ST18: variants seen among roughly 807,000 people sequenced by gnomAD.
ST18 encodes ST18 C2H2C-type zinc finger transcription factor.
In ST18, 50 loss-of-function variants were observed where a neutral mutation model predicts 110.0. The ratio of observed to expected loss-of-function variants is 0.45; its 90% CI spans 0.36 to 0.58. The LOEUF is 0.58. Ranked by LOEUF, ST18 falls within the 20% of genes least tolerant of loss-of-function variation. ST18 has a pLI of 0.00. For missense variants in ST18, 1,306 were observed against 1,280.1 expected (o/e 1.02, Z -0.31); for synonymous variants, 461 against 452.4 (o/e 1.02, Z -0.24).
At chr8:52,200,898 C>A (rs1392852556) in intron 8 of ST18, among the ~76,000 whole-genome samples, 2 of 152,112 alleles carry the variant, frequency 1.3e-5, no homozygotes, top group Admixed American at 6.5e-5. Flanking sequence ...TTTGAATACT[C>A]CTCAGGGATC....
Position 52,164,016 on chromosome 8 carries a change from T to A in ST18, c.1370A>T (p.Gln457Leu). ...SQDKNQLDSP[Q>L]TGQCPDQAHR... ...GGCCTGGTCAGGACACTGCCCAGTT[T>A]GGGGAGAATCAAGCTGATTTTTATC... The change falls in exon 13 of 26, where the codon CAA becomes CTA. Residue 457 changes from glutamine to leucine, a missense_variant. By Grantham distance (113) the Gln-to-Leu change is moderately radical (BLOSUM62 -2). Coordinates refer to ENST00000689386, the MANE Select transcript of ST18 (RefSeq NM_001352837.2). 2 of 1,614,114 alleles carry A rather than the reference T, an allele frequency of 1.2e-6. No individual in the cohort carries two copies. Among genetic ancestry groups the A allele is most frequent in the Non-Finnish European group, 1.7e-6 (2 of 1,179,990 alleles).
chr8:52,313,341 C>A (rs1305500657), intron 2 of ST18: 1 of 152,402 alleles, frequency 6.6e-6, no homozygotes, highest in Non-Finnish European at 1.5e-5. Context: ...AAGAAGCCCT[C>A]AAAATGTGTC....
At chr8:52,218,430 T>C (rs2085239786) in intron 5 of ST18, among the ~76,000 whole-genome samples, 1 of 151,576 alleles carries the variant, frequency 6.6e-6, no homozygotes, top group African/African-American at 2.4e-5. Context: ...TTGCCCAGGC[T>C]GGAGTGCAAT....
chr8:52,157,888 G>A (rs2060421057), intron 15 of ST18, among the ~76,000 whole-genome samples: 1 of 152,276 alleles, frequency 6.6e-6, no homozygotes, highest in Non-Finnish European at 1.5e-5. Context: ...AGGAGCCATG[G>A]TCTTCAAGTG....
At chr8:52,216,775 C>G (rs1483793138) in intron 6 of ST18, among the ~76,000 whole-genome samples, 1 of 152,080 alleles carries the variant, frequency 6.6e-6, no homozygotes, top group Non-Finnish European at 1.5e-5. Context: ...TCTCACGGAC[C>G]TCAATAAATT....
chr8:52,302,920 A>G (rs2095751693), intron 2 of ST18, among the ~76,000 whole-genome samples: 1 of 152,208 alleles, frequency 6.6e-6, no homozygotes, highest in Non-Finnish European at 1.5e-5. Flanking sequence ...AAATAAGCCA[A>G]GAAGCATCGA....
At chr8:52,126,886 T>C (rs1480043840) in intron 22 of ST18, among the ~76,000 whole-genome samples, 5 of 152,230 alleles carry the variant, frequency 3.3e-5, no homozygotes, top group Non-Finnish European at 7.3e-5. Flanking sequence ...TTTATTTAAA[T>C]TGCACCAGCA....
intron 2 of ST18, among the ~76,000 whole-genome samples, chr8:52,398,562 T>TTTTA (rs1198821465): frequency 2.6e-5 from 4 of 151,950 alleles, no homozygotes; most frequent in African/African-American, 9.7e-5. Context: ...CATAAATGGC[T>TTTTA]TTTATTATGT....
intron 2 of ST18, among the ~76,000 whole-genome samples, chr8:52,401,479 T>G (rs923493291): frequency 1.3e-5 from 2 of 152,120 alleles, no homozygotes; most frequent in African/African-American, 4.8e-5. Context: ...ACTTAATGAG[T>G]GTCTTATAAA....
intron 15 of ST18, among the ~76,000 whole-genome samples, chr8:52,158,021 T>C (rs1047466959): frequency 6.6e-6 from 1 of 152,266 alleles, no homozygotes; most frequent in African/African-American, 2.4e-5. Context: ...AGGGAAATCA[T>C]TTCTTTGAAC....
intron 12 of ST18, among the ~76,000 whole-genome samples, chr8:52,164,731 T>C (rs1355754297): frequency 3.9e-5 from 6 of 152,220 alleles, no homozygotes; most frequent in African/African-American, 1.4e-4. Context: ...GTTACAACCA[T>C]TGAAGCCCTG....
intron 2 of ST18, among the ~76,000 whole-genome samples, chr8:52,274,584 A>G (rs1450996451): frequency 7.0e-6 from 1 of 143,156 alleles, no homozygotes; most frequent in African/African-American, 3.0e-5. Flanking sequence ...TAAGTGGAGA[A>G]AAGGAGACAA....
intron 11 of ST18, among the ~76,000 whole-genome samples, chr8:52,166,552 C>G (rs938624283): frequency 2.0e-5 from 3 of 152,214 alleles, no homozygotes; most frequent in African/African-American, 7.2e-5. Context: ...CCCTCTACCC[C>G]TGAACTCCCT....
At chr8:52,131,917 G>GA in intron 22 of ST18, 41 bp downstream of exon 22, 1 of 1,601,386 alleles carries the variant, frequency 6.2e-7, no homozygotes, top group Non-Finnish European at 8.5e-7. Context: ...GGCGACAACC[G>GA]ATCACAACAC....
intron 2 of ST18, among the ~76,000 whole-genome samples, chr8:52,281,202 G>T (rs1297613319): frequency 1.3e-5 from 2 of 152,076 alleles, no homozygotes; most frequent in Non-Finnish European, 1.5e-5. Flanking sequence ...AGCCTTAAGT[G>T]TATGTATATT....
intron 2 of ST18, among the ~76,000 whole-genome samples, chr8:52,230,395 A>T (rs1470875191): frequency 2.0e-5 from 3 of 152,054 alleles, no homozygotes; most frequent in Non-Finnish European, 4.4e-5. Context: ...TGAATTATCA[A>T]TGACAGTCTT....
At chr8:52,270,867 G>C (rs977358983) in intron 2 of ST18, among the ~76,000 whole-genome samples, 1 of 151,776 alleles carries the variant, frequency 6.6e-6, no homozygotes, top group South Asian at 2.1e-4. Context: ...TGGGTGAAGT[G>C]TGTATTATGT....
chr8:52,231,108 C>T (rs1363853052), intron 2 of ST18, among the ~76,000 whole-genome samples: 1 of 152,076 alleles, frequency 6.6e-6, no homozygotes, highest in Non-Finnish European at 1.5e-5. Context: ...GTGTTTTGAC[C>T]TAATATGTCT....
At chr8:52,188,272 T>C (rs2073149201) in intron 8 of ST18, among the ~76,000 whole-genome samples, 1 of 152,162 alleles carries the variant, frequency 6.6e-6, no homozygotes, top group Non-Finnish European at 1.5e-5. Context: ...TTTGAGATCA[T>C]GTGGTCAGGA....
Sources: gnomAD v4.1 joint callset for allele counts (sites outside exome capture counted in the v4.1 genomes callset) on GRCh38, gnomAD v4.1.1 for gene constraint, MANE v1.5 for transcripts, NCBI Gene and HGNC (gene_info 2026-07-23, HGNC 2026-07-21) for gene names.